The following RNF182 variants were observed in gnomAD, a reference collection of about 807,000 sequenced individuals.
The protein encoded by RNF182 is ring finger protein 182, also known as E3 ubiquitin-protein ligase RNF182.
Under a neutral mutation model 14.4 loss-of-function variants are expected in RNF182, and 15 were observed. That is an observed-to-expected ratio of 1.04 (90% CI 0.70 to 1.60). The LOEUF (loss-of-function observed/expected upper bound fraction) is 1.60. Among genes scored for constraint, RNF182 ranks in the 40% most tolerant of loss-of-function variants. The pLI, the probability that RNF182 is intolerant of heterozygous loss-of-function variation, is 0.00. For missense variants in RNF182, 268 were observed against 294.8 expected (o/e 0.91, Z 0.67); for synonymous variants, 128 against 122.9 (o/e 1.04, Z -0.27).
chr6:13,963,872 A>G (rs1197579284), intron 1 of RNF182, among the ~76,000 whole-genome samples: 1 of 152,182 alleles, frequency 6.6e-6, no homozygotes, highest in Non-Finnish European at 1.5e-5. Flanking sequence ...GTGGAGAATT[A>G]TTGCAGCCAT....
At chr6:13,944,767 A>C (rs1759395217) in intron 1 of RNF182, among the ~76,000 whole-genome samples, 1 of 152,240 alleles carries the variant, frequency 6.6e-6, no homozygotes, top group South Asian at 2.1e-4. Flanking sequence ...ACAGAAGCAC[A>C]GATATTTTAA....
chr6:13,941,727 A>G (rs1759303785), intron 1 of RNF182, among the ~76,000 whole-genome samples: 1 of 152,110 alleles, frequency 6.6e-6, no homozygotes, highest in South Asian at 2.1e-4. Context: ...TAGAGATTAT[A>G]ACATCTATTT....
intron 1 of RNF182, among the ~76,000 whole-genome samples, chr6:13,963,792 A>G (rs1034693752): frequency 3.3e-5 from 5 of 152,204 alleles, no homozygotes; most frequent in South Asian, 2.1e-4. Flanking sequence ...GGGGTGGGGA[A>G]AAACAGATTC....
chr6:13,965,679 A>G (rs1760005380), intron 1 of RNF182, among the ~76,000 whole-genome samples: 3 of 152,164 alleles, frequency 2.0e-5, no homozygotes, highest in Admixed American at 2.0e-4. Flanking sequence ...GGCCATGGAG[A>G]TGTTACCAAA....
At chr6:13,933,974 C>T (rs1759042075) in intron 1 of RNF182, among the ~76,000 whole-genome samples, 2 of 151,970 alleles carry the variant, frequency 1.3e-5, no homozygotes, top group African/African-American at 2.4e-5. Flanking sequence ...GCCAAGATTG[C>T]ACCACTGCAC....
rs754546688 is a variant in RNF182 at position 13,977,430 on chromosome 6, A to G, written c.311A>G (p.Asn104Ser). The change falls in exon 3 of 3, where the codon AAC becomes AGC. Residue 104 changes from asparagine to serine, a missense_variant. Physicochemically the swap from Asn to Ser is conservative, Grantham distance 46. Transcript: ENST00000488300. ...GGKGKKCLPE[N>S]PTELLLTPKR... ...AAAGGGAAGAAGTGCCTGCCAGAGA[A>G]CCCTACTGAGCTGCTGCTCACCCCC... 6 of 1,613,894 alleles carry G rather than the reference A, an allele frequency of 3.7e-6. No homozygotes were observed. The highest frequency in any genetic ancestry group is 1.3e-5 in the African/African-American group (1 of 74,858).
rs531385837 is a variant in RNF182, at chr6:13,959,855, G to A, written c.-366-14355G>A. The stretch of plus-strand genomic sequence containing the variant: ...AAATGGAGGTACTGTAAGCCCTCTG[G>A]AACTCAGAGGGAAGGGATAGGCTGC... On this transcript the variant is annotated intron_variant, in intron 1 of 2. Coordinates refer to ENST00000488300, the MANE Select transcript of RNF182 (RefSeq NM_152737.4). 8.5e-5 allele frequency among the ~76,000 whole-genome samples: 13 copies of A among 152,268 alleles called. No individual in the cohort carries two copies. The East Asian group carries it at 2.3e-3, about 27-fold the overall frequency.
rs549188548 is a variant in RNF182, at chr6:13,958,165, A to C, written c.-366-16045A>C. On this transcript the variant is annotated intron_variant, in intron 1 of 2. Transcript: ENST00000488300. ...TCTGTTGGGAGGCCGAGGCAGGCAG[A>C]TCACGAGGTCAAGAGATAGAGACCA... Among the ~76,000 whole-genome samples, 19 of 152,216 alleles carry C rather than the reference A, an allele frequency of 1.2e-4. No individual in the cohort carries two copies. The South Asian group carries it at 3.9e-3, about 32-fold the overall frequency.
chr6:13,971,358 C>T (rs574058766), intron 1 of RNF182, among the ~76,000 whole-genome samples: 4 of 152,194 alleles, frequency 2.6e-5, no homozygotes, highest in African/African-American at 9.6e-5. Flanking sequence ...GCTCCTTTTT[C>T]GCCTTCTGTC....
chr6:13,936,323 G>A (rs750573378), intron 1 of RNF182, among the ~76,000 whole-genome samples: 4 of 152,226 alleles, frequency 2.6e-5, no homozygotes, highest in African/African-American at 2.4e-5. Context: ...TGATGGAAGA[G>A]TTAGAAATCC....
intron 1 of RNF182, among the ~76,000 whole-genome samples, chr6:13,964,821 G>A (rs1431196996): frequency 1.3e-5 from 2 of 152,190 alleles, no homozygotes; most frequent in Non-Finnish European, 2.9e-5. Context: ...TTCCACAAGA[G>A]ACCAAGGAGA....
intron 1 of RNF182, among the ~76,000 whole-genome samples, chr6:13,945,259 G>T (rs1005254198): frequency 6.6e-6 from 1 of 152,164 alleles, no homozygotes; most frequent in Non-Finnish European, 1.5e-5. Flanking sequence ...AGAGAGCTGG[G>T]CTTGATTTAG....
rs1760439302 is a variant in RNF182, at chr6:13,979,578, T to A, written c.*1715T>A. 1 of 166,956 alleles carries A rather than the reference T, an allele frequency of 6.0e-6. No homozygotes were observed. 10.3% of individuals were successfully genotyped at this position (166,956 alleles called of 1,614,324 possible). ...GATACAGCTAAATACATTTATGATT[T>A]CATAAAATCTAGTTTAGATAGCATT... On this transcript the variant is annotated 3_prime_UTR_variant, in exon 3 of 3. Coordinates refer to ENST00000488300, the MANE Select transcript of RNF182 (RefSeq NM_152737.4).
At chr6:13,963,329 TTGGGCAG>T (rs1759927788) in intron 1 of RNF182, among the ~76,000 whole-genome samples, 1 of 152,202 alleles carries the variant, frequency 6.6e-6, no homozygotes, top group Non-Finnish European at 1.5e-5. Context: ...AATAATTTCT[TTGGGCAG>T]AGATTGGCTT....
chr6:13,956,365 T>C (rs937564093), intron 1 of RNF182, among the ~76,000 whole-genome samples: 1 of 151,628 alleles, frequency 6.6e-6, no homozygotes, highest in African/African-American at 2.4e-5. Context: ...GCTCCCATCA[T>C]CCAGGCTGGA....
At chr6:13,953,595 C>T (rs968976665) in intron 1 of RNF182, among the ~76,000 whole-genome samples, 31 of 152,008 alleles carry the variant, frequency 2.0e-4, no homozygotes, top group Non-Finnish European at 2.2e-4. Context: ...TATAAAGTGG[C>T]GTAAGTCAGG....
At chr6:13,933,328 C>T (rs759462748) in intron 1 of RNF182, among the ~76,000 whole-genome samples, 3 of 152,078 alleles carry the variant, frequency 2.0e-5, no homozygotes, top group Non-Finnish European at 4.4e-5. Context: ...CCAGCTTGGG[C>T]AACATAGTGA....
intron 1 of RNF182, among the ~76,000 whole-genome samples, chr6:13,926,837 T>A (rs1758843073): frequency 6.6e-6 from 1 of 151,778 alleles, no homozygotes; most frequent in Non-Finnish European, 1.5e-5. Context: ...TTTATTCAGA[T>A]CTTTGTTAGC....
At chr6:13,927,975 T>C (rs145279420) in intron 1 of RNF182, among the ~76,000 whole-genome samples, 1 of 152,248 alleles carries the variant, frequency 6.6e-6, no homozygotes, top group Admixed American at 6.5e-5. Flanking sequence ...CTGTGCACAG[T>C]GGGTATTTGT....
Sources: allele counts gnomAD v4.1 joint callset (sites outside exome capture counted in the v4.1 genomes callset), GRCh38; gene constraint gnomAD v4.1.1; transcripts MANE v1.5; gene names NCBI Gene and HGNC (gene_info 2026-07-23, HGNC 2026-07-21).